Variants in PIWIL1 observed in about 807,000 individuals in gnomAD.
PIWIL1 encodes the protein piwi like RNA-mediated gene silencing 1.
Under a neutral mutation model 114.4 loss-of-function variants are expected in PIWIL1, and 73 were observed. That is an observed-to-expected ratio of 0.64 (90% CI 0.53 to 0.78). PIWIL1 has a LOEUF of 0.78. PIWIL1 is among the 30% of genes least tolerant of loss of function. The pLI is 0.00. For missense variants in PIWIL1, 723 were observed against 1,063.1 expected (o/e 0.68, Z 4.45); for synonymous variants, 375 against 369.0 (o/e 1.02, Z -0.19).
the PIWIL1 span, chr12:130,407,708 G>A: frequency 6.3e-7 from 1 of 1,588,968 alleles, no homozygotes; most frequent in Non-Finnish European, 8.6e-7. Flanking sequence ...GTCATGAAGT[G>A]CAGTGTTTGG....
chr12:130,345,654 C>T, intron 3 of PIWIL1, 99 bp from the exon 4 acceptor site: 2 of 1,274,312 alleles, frequency 1.6e-6, no homozygotes, highest in South Asian at 1.3e-5. Flanking sequence ...TTCTACACCT[C>T]AGTATCCTTT....
the PIWIL1 span, chr12:130,424,836 G>A: frequency 5.4e-3 from 6,711 of 1,232,618 alleles, 21 homozygotes; most frequent in Middle Eastern, 0.013. The surrounding 1 kb of genome is among the most constrained non-coding windows in gnomAD (Gnocchi z 9.8). Flanking sequence ...AGTGCCTTCC[G>A]AGGTCCTATG....
In PIWIL1 at chr12:130,343,024, A is replaced by G. The variant is rs2072968439; in HGVS notation, c.113A>G (p.Gln38Arg). ...CCTGGTTATATTCAGCCTAGGCCTC[A>G]GCCGCCACCAGCAGAGGGGGAATTA... ...QQPGYIQPRP[Q>R]PPPAEGELFG... is the part of the protein sequence containing the mutation. Residue 38 changes from glutamine (Q) to arginine (R), a missense_variant, in exon 3 of 21, where the codon CAG becomes CGG. This residue lies in a region of PIWIL1 where 91 missense variants were observed against 76.2 expected (regional missense o/e 1.19). Coordinates refer to ENST00000245255, the MANE Select transcript of PIWIL1 (RefSeq NM_004764.5). The G allele has an allele frequency of 6.2e-7, 1 of 1,614,004 alleles. No homozygotes were observed. Among genetic ancestry groups the G allele is most frequent in the East Asian group, 2.2e-5 (1 of 44,896 alleles).
chr12:130,340,579 T>G (rs1189168865), intron 1 of PIWIL1, among the ~76,000 whole-genome samples: 1 of 138,662 alleles, frequency 7.2e-6, no homozygotes, highest in Non-Finnish European at 1.5e-5. Flanking sequence ...CTTCCTGCTG[T>G]GTGGCCTGGT....
At chr12:130,421,558 T>A in the PIWIL1 span, among the ~76,000 whole-genome samples, 1 of 152,216 alleles carries the variant, frequency 6.6e-6, no homozygotes, top group Non-Finnish European at 1.5e-5. Flanking sequence ...TTCAGCTATT[T>A]CAACGAGATT....
chr12:130,381,861 T>C, the PIWIL1 span, among the ~76,000 whole-genome samples: 1 of 152,208 alleles, frequency 6.6e-6, no homozygotes, highest in African/African-American at 2.4e-5. Flanking sequence ...TGTGTAATGG[T>C]GTCATATTGT....
chr12:130,358,203 G>T (rs35631636), intron 14 of PIWIL1, among the ~76,000 whole-genome samples: 2 of 152,206 alleles, frequency 1.3e-5, no homozygotes, highest in Admixed American at 1.3e-4. Context: ...TCGCTACCTA[G>T]CGTGGGTGTG....
chr12:130,396,186 C>T, the PIWIL1 span: 1 of 152,620 alleles, frequency 6.6e-6, no homozygotes. Context: ...TAACTGTGCA[C>T]ATGCACACAC....
rs1411929757 is a variant in PIWIL1, at chr12:130,338,035, A to T, written c.-124A>T. 5.5e-6 allele frequency: 1 copy of T among 180,202 alleles called. No homozygotes were observed. Among genetic ancestry groups the T allele is most frequent in the East Asian group, 1.9e-4 (1 of 5,250 alleles). 11.2% of individuals were successfully genotyped at this position (180,202 alleles called of 1,614,324 possible). A position where few individuals can be genotyped will look rare whatever the true frequency, so the allele number is the denominator to read the frequency against. On this transcript the variant is annotated 5_prime_UTR_variant, in exon 1 of 21. In the 5' UTR this introduces an upstream ATG that the reference lacks. Transcript: ENST00000245255. ...CGAAGGCGAGGTGGGCGCGGGCCGA[A>T]GGAGGTCCTGGGAGGTCGGCGGCGC...
chr12:130,348,022 C>T (rs773396034), intron 6 of PIWIL1, 81 bp from the exon 7 acceptor site: 3 of 921,078 alleles, frequency 3.3e-6, no homozygotes, highest in African/African-American at 3.3e-5. Context: ...TTTGCCAACC[C>T]CTGCTCTAAA....
At chr12:130,385,724 GT>G in the PIWIL1 span, among the ~76,000 whole-genome samples, 1 of 152,158 alleles carries the variant, frequency 6.6e-6, no homozygotes, top group Non-Finnish European at 1.5e-5. Flanking sequence ...AAACAGACAT[GT>G]TTGTTATTTG....
chr12:130,390,704 C>A, the PIWIL1 span, among the ~76,000 whole-genome samples: 1 of 152,190 alleles, frequency 6.6e-6, no homozygotes, highest in Non-Finnish European at 1.5e-5. Context: ...AGTCATTTGT[C>A]ATAGACCTTG....
chr12:130,414,362 G>A, the PIWIL1 span: 1 of 1,496,374 alleles, frequency 6.7e-7, no homozygotes, highest in Non-Finnish European at 9.0e-7. Flanking sequence ...TGAGGAGCGT[G>A]CACGGGAAAT....
chr12:130,409,480 C>T, the PIWIL1 span, among the ~76,000 whole-genome samples: 3 of 151,726 alleles, frequency 2.0e-5, no homozygotes, highest in Non-Finnish European at 4.4e-5. Flanking sequence ...GTAGCTGGGA[C>T]TGCAGGCGCC....
intron 7 of PIWIL1, among the ~76,000 whole-genome samples, chr12:130,348,703 C>T (rs1045103290): frequency 2.0e-5 from 3 of 152,108 alleles, no homozygotes; most frequent in Non-Finnish European, 1.5e-5. Context: ...GAGTTCTAGA[C>T]CAGCCTGGCC....
At chr12:130,393,851 C>G in the PIWIL1 span, among the ~76,000 whole-genome samples, 1 of 152,188 alleles carries the variant, frequency 6.6e-6, no homozygotes. Context: ...GACTGCAGCC[C>G]CCACGGCAGG....
the PIWIL1 span, among the ~76,000 whole-genome samples, chr12:130,407,277 T>G: frequency 6.6e-6 from 1 of 152,174 alleles, no homozygotes; most frequent in Non-Finnish European, 1.5e-5. Context: ...GTTTCAGCCT[T>G]CAAGACACCA....
chr12:130,363,518 G>T (rs1296591450), intron 18 of PIWIL1, among the ~76,000 whole-genome samples: 1 of 148,902 alleles, frequency 6.7e-6, no homozygotes, highest in Non-Finnish European at 1.5e-5. Context: ...CTGAATACTT[G>T]TTTCATTTCC....
the PIWIL1 span, chr12:130,424,561 C>G: frequency 8.1e-7 from 1 of 1,232,022 alleles, no homozygotes; most frequent in Non-Finnish European, 1.0e-6. This position sits in a 1 kb window ranked among gnomAD's most constrained non-coding sequence, Gnocchi z 9.8. Context: ...CAGCCCCTGT[C>G]TTCCAGAAGG....
Sources: allele counts gnomAD v4.1 joint callset (sites outside exome capture counted in the v4.1 genomes callset), GRCh38; gene constraint gnomAD v4.1.1; regional missense constraint gnomAD v4.1.1; non-coding constraint Gnocchi (gnomAD v3.1); transcripts MANE v1.5; gene names NCBI Gene and HGNC (gene_info 2026-07-23, HGNC 2026-07-21).